Variants in RSU1 observed in about 807,000 individuals in gnomAD.
The protein encoded by RSU1 is Ras suppressor protein 1.
Under a neutral mutation model 31.1 loss-of-function variants are expected in RSU1, and 26 were observed. The observed-to-expected ratio is 0.84, with a 90% CI of 0.61 to 1.16. The LOEUF (loss-of-function observed/expected upper bound fraction) is 1.16. RSU1 is among the 50% of genes most tolerant of loss of function. RSU1 has a pLI of 0.00. For missense variants in RSU1, 320 were observed against 339.1 expected (o/e 0.94, Z 0.44); for synonymous variants, 164 against 136.3 (o/e 1.20, Z -1.41).
chr10:16,690,729 C>T (rs1022928251), intron 8 of RSU1, among the ~76,000 whole-genome samples: 10 of 152,120 alleles, frequency 6.6e-5, no homozygotes, highest in East Asian at 1.9e-4. Flanking sequence ...TCACTGTGAA[C>T]GCCGATCATA....
At chr10:16,803,250 C>A (rs964905888) in intron 2 of RSU1, among the ~76,000 whole-genome samples, 42 of 152,076 alleles carry the variant, frequency 2.8e-4, no homozygotes, top group African/African-American at 9.7e-4. Flanking sequence ...TAAAAACACA[C>A]CATTTACATT....
At chr10:16,709,512 G>GCAATGGGATATATACC (rs972332459) in intron 7 of RSU1, among the ~76,000 whole-genome samples, 8 of 152,288 alleles carry the variant, frequency 5.3e-5, no homozygotes, top group Admixed American at 1.3e-4. Context: ...TATATACCCA[G>GCAATGGGATATATACC]CAATGGGATG....
chr10:16,662,006 A>G (rs977220832), intron 8 of RSU1, among the ~76,000 whole-genome samples: 1 of 152,228 alleles, frequency 6.6e-6, no homozygotes, highest in African/African-American at 2.4e-5. Context: ...CTCATGAACT[A>G]TCATTTCTAT....
intron 8 of RSU1, among the ~76,000 whole-genome samples, chr10:16,688,764 G>A (rs2131556399): frequency 6.6e-6 from 1 of 152,286 alleles, no homozygotes; most frequent in African/African-American, 2.4e-5. Flanking sequence ...GCTTTGAAAG[G>A]CTGAGGCAGG....
chr10:16,743,385 C>A (rs538113838), intron 7 of RSU1, among the ~76,000 whole-genome samples: 88 of 152,222 alleles, frequency 5.8e-4, no homozygotes, highest in African/African-American at 2.1e-3. Context: ...TCCCTTGGTC[C>A]CATCATCTTT....
chr10:16,667,149 G>A (rs1835008906), intron 8 of RSU1, among the ~76,000 whole-genome samples: 1 of 152,150 alleles, frequency 6.6e-6, no homozygotes. Context: ...TGACACCAAG[G>A]AGGGAACTTA....
chr10:16,722,961 T>TATACATATATGTATATATACACAC (rs1836307490), intron 7 of RSU1: 2 of 150,014 alleles, frequency 1.3e-5, no homozygotes, highest in East Asian at 2.0e-4. Flanking sequence ...TATACACACA[T>TATACATATATGTATATATACACAC]ATACATATAT....
At chr10:16,670,254 A>G (rs937349714) in intron 8 of RSU1, among the ~76,000 whole-genome samples, 4 of 152,224 alleles carry the variant, frequency 2.6e-5, no homozygotes, top group Non-Finnish European at 5.9e-5. Context: ...CCTAAAATGA[A>G]AAGAGATAGA....
chr10:16,802,493 C>T (rs756150483), intron 2 of RSU1, among the ~76,000 whole-genome samples: 7 of 152,012 alleles, frequency 4.6e-5, no homozygotes, highest in African/African-American at 1.7e-4. Context: ...TTCTACCAAA[C>T]GTTTAAGGAA....
chr10:16,661,040 C>A (rs912057843), intron 8 of RSU1, among the ~76,000 whole-genome samples: 39 of 151,966 alleles, frequency 2.6e-4, no homozygotes, highest in African/African-American at 9.2e-4. Context: ...TCTTGTTATT[C>A]TATTATTTTT....
chr10:16,813,452 T>C (rs927072651), intron 2 of RSU1, among the ~76,000 whole-genome samples: 1 of 152,200 alleles, frequency 6.6e-6, no homozygotes, highest in South Asian at 2.1e-4. Flanking sequence ...CTGAGACATA[T>C]GGGTCTATAG....
chr10:16,784,418 A>C (rs1241546486), intron 2 of RSU1, among the ~76,000 whole-genome samples: 1 of 152,292 alleles, frequency 6.6e-6, no homozygotes, highest in East Asian at 1.9e-4. Context: ...TAAGAAAAGA[A>C]GTTTATATGG....
At chr10:16,727,054 T>C in intron 7 of RSU1, 1 of 456,600 alleles carries the variant, frequency 2.2e-6, no homozygotes, top group South Asian at 1.5e-5. Context: ...GGGAAGAGTT[T>C]CAAGGAACTA....
intron 8 of RSU1, among the ~76,000 whole-genome samples, chr10:16,619,599 A>G (rs1803778289): frequency 6.6e-6 from 1 of 152,214 alleles, no homozygotes; most frequent in Non-Finnish European, 1.5e-5. Context: ...CTTGAACAAA[A>G]GGTGGCAGGA....
At chr10:16,705,062 T>C (rs1835868051) in intron 7 of RSU1, among the ~76,000 whole-genome samples, 1 of 152,340 alleles carries the variant, frequency 6.6e-6, no homozygotes, top group African/African-American at 2.4e-5. Flanking sequence ...GCAACCACCA[T>C]TCCGCTTATC....
intron 8 of RSU1, among the ~76,000 whole-genome samples, chr10:16,609,430 G>A (rs2131466538): frequency 6.6e-6 from 1 of 152,282 alleles, no homozygotes; most frequent in Non-Finnish European, 1.5e-5. Flanking sequence ...AGAATCCAAA[G>A]TGTTTCATCT....
chr10:16,780,483 T>C (rs1837628567), intron 3 of RSU1, among the ~76,000 whole-genome samples: 1 of 152,202 alleles, frequency 6.6e-6, no homozygotes, highest in Non-Finnish European at 1.5e-5. Flanking sequence ...GCTCAAGCAA[T>C]CCTCCTACCT....
intron 4 of RSU1, among the ~76,000 whole-genome samples, chr10:16,757,677 T>C: frequency 6.6e-6 from 1 of 152,154 alleles, no homozygotes; most frequent in East Asian, 1.9e-4. Context: ...CAGAAGTGAC[T>C]GATGAAGGCG....
intron 8 of RSU1, among the ~76,000 whole-genome samples, chr10:16,660,778 C>G (rs926322957): frequency 2.7e-5 from 4 of 150,730 alleles, no homozygotes; most frequent in Non-Finnish European, 5.9e-5. Flanking sequence ...CTCCTAGTAG[C>G]TGGAATTACA....
Sources: allele counts gnomAD v4.1 joint callset (sites outside exome capture counted in the v4.1 genomes callset), GRCh38; gene constraint gnomAD v4.1.1; transcripts MANE v1.5; gene names NCBI Gene and HGNC (gene_info 2026-07-23, HGNC 2026-07-21).